The following FHIT variants were observed in gnomAD, a reference collection of about 807,000 sequenced individuals.
The protein encoded by FHIT is fragile histidine triad diadenosine triphosphatase, also known as bis(5'-adenosyl)-triphosphatase.
FHIT carries 19 observed loss-of-function variants against 17.9 expected under a neutral mutation model. The observed-to-expected ratio is 1.06, with a 90% CI of 0.74 to 1.56. The LOEUF is 1.56. Ranked by LOEUF, FHIT falls within the 40% of genes most tolerant of loss-of-function variation. The probability of loss-of-function intolerance (pLI) is 0.00; values close to 1 mark genes in which losing one functional copy is unlikely to be tolerated. For missense variants in FHIT, 248 were observed against 189.2 expected, an observed-to-expected ratio of 1.31 and a Z score of -1.82; for synonymous variants, 81 against 69.7, an observed-to-expected ratio of 1.16 and a Z score of -0.81.
At chr3:59,777,018 C>T (rs1702356491) in intron 8 of FHIT, among the ~76,000 whole-genome samples, 2 of 152,140 alleles carry the variant, frequency 1.3e-5, no homozygotes, top group African/African-American at 2.4e-5. Flanking sequence ...GTTCCAGTGT[C>T]TCCCATGCTC....
intron 5 of FHIT, among the ~76,000 whole-genome samples, chr3:60,187,508 T>C (rs1702206380): frequency 1.3e-5 from 2 of 152,186 alleles, no homozygotes; most frequent in African/African-American, 4.8e-5. Context: ...GAATGCAGAA[T>C]ATTTGATCCT....
rs899083564 is a variant in FHIT, at chr3:60,094,415, G to A, written c.104-80263C>T. Reference sequence around the variant, plus strand: ...ACAGTTTTAGTGACAGGGCCCAACCGGCACCTATTTTTGTATCACCTGGAA... The same window carrying A: ...ACAGTTTTAGTGACAGGGCCCAACCAGCACCTATTTTTGTATCACCTGGAA... On this transcript the variant is annotated intron_variant, in intron 5 of 9. Coordinates refer to ENST00000492590, the MANE Select transcript of FHIT (RefSeq NM_002012.4). Among the ~76,000 whole-genome samples, 3 of 147,640 alleles carry A rather than the reference G, an allele frequency of 2.0e-5. No homozygotes were observed. The East Asian group carries it at 5.9e-4, about 29-fold the overall frequency.
chr3:60,699,690 A>AC, intron 4 of FHIT, among the ~76,000 whole-genome samples: 1 of 22,908 alleles, frequency 4.4e-5, no homozygotes, highest in South Asian at 1.4e-3. Context: ...AGAGTATAAT[A>AC]AAAAAAAATT....
At chr3:60,249,689 GACACACAC>G (rs59885844) in intron 5 of FHIT, among the ~76,000 whole-genome samples, 3 of 137,312 alleles carry the variant, frequency 2.2e-5, no homozygotes, top group Non-Finnish European at 4.6e-5. Context: ...ATACAGCCAA[GACACACAC>G]ACACACACAC....
chr3:60,910,648 A>T lies in FHIT; in HGVS notation c.-110-88637T>A, dbSNP rs553590576. 2.3e-4 allele frequency among the ~76,000 whole-genome samples: 35 copies of T among 152,172 alleles called. No homozygotes were observed. The East Asian group carries it at 6.6e-3, about 29-fold the overall frequency. ...AGGATGGACTCCATCTCCTGACCTC[A>T]TGATCCGCCGGCCTTGGCCTCCCAA... On this transcript the variant is annotated intron_variant, in intron 3 of 9. Coordinates refer to ENST00000492590, the MANE Select transcript of FHIT (RefSeq NM_002012.4).
At chr3:60,227,546 C>T (rs968911266) in intron 5 of FHIT, among the ~76,000 whole-genome samples, 1 of 152,130 alleles carries the variant, frequency 6.6e-6, no homozygotes, top group Non-Finnish European at 1.5e-5. Flanking sequence ...TCACCTACTT[C>T]TGTTCAGTGA....
chr3:60,127,561 A>T (rs1199574602), intron 5 of FHIT, among the ~76,000 whole-genome samples: 1 of 152,062 alleles, frequency 6.6e-6, no homozygotes, highest in Non-Finnish European at 1.5e-5. Flanking sequence ...AATGATATAC[A>T]TCTTATTTTT....
At chr3:60,771,729 A>G (rs951147069) in intron 4 of FHIT, among the ~76,000 whole-genome samples, 5 of 152,208 alleles carry the variant, frequency 3.3e-5, no homozygotes, top group Non-Finnish European at 7.3e-5. Context: ...ATTCCCATAG[A>G]ATCCCACTTA....
At chr3:60,593,087 G>C (rs2038144315) in intron 4 of FHIT, among the ~76,000 whole-genome samples, 1 of 152,104 alleles carries the variant, frequency 6.6e-6, no homozygotes, top group South Asian at 2.1e-4. Flanking sequence ...CAACATCTAG[G>C]GGGAAAATGT....
chr3:59,832,137 C>T (rs972493071), intron 8 of FHIT, among the ~76,000 whole-genome samples: 3 of 152,106 alleles, frequency 2.0e-5, no homozygotes, highest in Non-Finnish European at 4.4e-5. Context: ...CACATGGAGT[C>T]CAGTTTTCCT....
At chr3:59,912,325 C>T (rs533134731) in intron 8 of FHIT, among the ~76,000 whole-genome samples, 3 of 152,208 alleles carry the variant, frequency 2.0e-5, no homozygotes, top group South Asian at 2.1e-4. Context: ...TGGTAGACAC[C>T]GCATGTGGAT....
intron 2 of FHIT, among the ~76,000 whole-genome samples, chr3:61,048,357 G>A (rs1050781645): frequency 6.6e-6 from 1 of 152,208 alleles, no homozygotes; most frequent in African/African-American, 2.4e-5. Context: ...CATTTATGCA[G>A]CCAACAGACA....
At chr3:60,381,562 CTCAGA>C (rs1165011523) in intron 5 of FHIT, among the ~76,000 whole-genome samples, 1 of 151,904 alleles carries the variant, frequency 6.6e-6, no homozygotes, top group Non-Finnish European at 1.5e-5. Context: ...TGTTCTATTG[CTCAGA>C]TAATATTTCA....
At chr3:60,972,608 A>G (rs1710072267) in intron 3 of FHIT, among the ~76,000 whole-genome samples, 1 of 150,290 alleles carries the variant, frequency 6.7e-6, no homozygotes, top group African/African-American at 2.5e-5. Flanking sequence ...GATGTTATTC[A>G]TTAATTTTGG....
At chr3:60,079,692 A>G (rs2107032345) in intron 5 of FHIT, among the ~76,000 whole-genome samples, 1 of 152,260 alleles carries the variant, frequency 6.6e-6, no homozygotes, top group Non-Finnish European at 1.5e-5. Flanking sequence ...AAGGAAATAA[A>G]TGGTGAGCTC....
intron 7 of FHIT, among the ~76,000 whole-genome samples, chr3:59,939,300 C>T (rs1192664608): frequency 1.3e-5 from 2 of 152,136 alleles, no homozygotes; most frequent in Non-Finnish European, 2.9e-5. Flanking sequence ...GTGGCTCACA[C>T]AGACTGGCCA....
At chr3:60,445,510 T>C (rs1317929492) in intron 5 of FHIT, among the ~76,000 whole-genome samples, 1 of 152,096 alleles carries the variant, frequency 6.6e-6, no homozygotes, top group Non-Finnish European at 1.5e-5. Context: ...GTAATGGCTC[T>C]TCTCTTGGAA....
intron 4 of FHIT, among the ~76,000 whole-genome samples, chr3:60,549,253 G>A (rs1358404249): frequency 1.3e-5 from 2 of 152,056 alleles, no homozygotes; most frequent in African/African-American, 4.8e-5. Flanking sequence ...ACTGCCATTA[G>A]GTGACTACTA....
intron 5 of FHIT, among the ~76,000 whole-genome samples, chr3:60,526,313 A>G (rs940430958): frequency 3.3e-5 from 5 of 152,032 alleles, no homozygotes; most frequent in African/African-American, 1.2e-4. Context: ...CTGAGGATCC[A>G]TTTACAAAAG....
Sources: gnomAD v4.1 joint callset for allele counts (sites outside exome capture counted in the v4.1 genomes callset) on GRCh38, gnomAD v4.1.1 for gene constraint, MANE v1.5 for transcripts, NCBI Gene and HGNC (gene_info 2026-07-23, HGNC 2026-07-21) for gene names.